PRKX: variants seen among roughly 807,000 people sequenced by gnomAD.
PRKX encodes protein kinase cAMP-dependent X-linked catalytic subunit, also known as cAMP-dependent protein kinase catalytic subunit PRKX.
A neutral mutation model predicts 22.0 loss-of-function variants in PRKX; 12 were observed. The observed-to-expected ratio is 0.54, with a 90% CI of 0.35 to 0.88. The LOEUF is 0.88. Among genes scored for constraint, PRKX ranks in the 40% least tolerant of loss-of-function variants. PRKX has a pLI of 0.01. For synonymous variants in PRKX, 134 were observed against 137.7 expected, an observed-to-expected ratio of 0.97 and a Z score of 0.19; for missense variants, 217 against 308.0, an observed-to-expected ratio of 0.70 and a Z score of 2.21.
chrX:3,634,580 C>T (rs1023118040), intron 4 of PRKX, among the ~76,000 whole-genome samples: 14 of 111,705 alleles, frequency 1.3e-4, no homozygotes, highest in African/African-American at 4.5e-4. Context: ...CAACGTGCCA[C>T]GCAGCACAGC....
chrX:3,630,172 A>T (rs1402686772), intron 4 of PRKX, among the ~76,000 whole-genome samples: 1 of 112,520 alleles, frequency 8.9e-6, no homozygotes, highest in Admixed American at 9.5e-5. Context: ...AACTGCAAAG[A>T]CCAAGATAAA....
intron 1 of PRKX, among the ~76,000 whole-genome samples, chrX:3,710,981 G>C (rs1928777459): frequency 8.9e-6 from 1 of 111,756 alleles, no homozygotes; most frequent in Non-Finnish European, 1.9e-5. Context: ...TTGTGGCTTA[G>C]AGACACAATC....
chrX:3,619,093 A>G (rs1926501260), intron 6 of PRKX, among the ~76,000 whole-genome samples: 1 of 112,628 alleles, frequency 8.9e-6, no homozygotes, highest in South Asian at 3.7e-4. Flanking sequence ...GCCTGTGAAT[A>G]TCACTTTATT....
chrX:3,639,969 C>T (rs193000093), intron 4 of PRKX, among the ~76,000 whole-genome samples: 120 of 111,542 alleles, frequency 1.1e-3, no homozygotes, highest in African/African-American at 3.8e-3. Context: ...CCAGCAGGAC[C>T]TGGCTTAGAC....
At chrX:3,692,626 CACG>C (rs779370802) in intron 1 of PRKX, among the ~76,000 whole-genome samples, 3 of 106,638 alleles carry the variant, frequency 2.8e-5, no homozygotes, top group African/African-American at 1.0e-4. Flanking sequence ...CTCCCAGGTT[CACG>C]CCATTCTCCT....
chrX:3,698,903 TTA>T (rs1928498223), intron 1 of PRKX, among the ~76,000 whole-genome samples: 1 of 108,023 alleles, frequency 9.3e-6, no homozygotes, highest in Non-Finnish European at 1.9e-5. Context: ...GTTTTCACTT[TTA>T]GAGAGGTGGA....
chrX:3,689,736 G>A (rs771079970), intron 1 of PRKX, among the ~76,000 whole-genome samples: 2 of 111,884 alleles, frequency 1.8e-5, no homozygotes, highest in East Asian at 2.8e-4. Flanking sequence ...CCAACACTTT[G>A]GGAGGCCAAG....
chrX:3,640,141 C>A (rs745415832), intron 4 of PRKX, among the ~76,000 whole-genome samples: 1 of 109,436 alleles, frequency 9.1e-6, no homozygotes, highest in African/African-American at 3.3e-5. Flanking sequence ...TCAGAGGATA[C>A]GCTGGTGTCT....
chrX:3,692,807 G>A (rs571203474), intron 1 of PRKX, among the ~76,000 whole-genome samples: 64 of 111,392 alleles, frequency 5.7e-4, no homozygotes, highest in South Asian at 7.7e-4. Flanking sequence ...GATTACAGGC[G>A]TGAGCCACGG....
intron 1 of PRKX, among the ~76,000 whole-genome samples, chrX:3,682,501 G>A (rs1398815125): frequency 9.0e-6 from 1 of 110,546 alleles, no homozygotes; most frequent in Non-Finnish European, 1.9e-5. Flanking sequence ...AGACCAGCCT[G>A]GGCAACACAG....
rs771756468 is a variant in PRKX, at chrX:3,605,615, T to A, written c.*3354A>T. ...TAGTTCCACTGGTGATTTTTTTTAA[T>A]GGACAGTGATTTCAAATGATTTGGT... is the stretch of plus-strand genomic sequence containing the variant. On this transcript the variant is annotated 3_prime_UTR_variant, in exon 9 of 9. Transcript: ENST00000262848. 3.8e-5 allele frequency: 4 copies of A among 105,601 alleles called. No individual in the cohort carries two copies. Among genetic ancestry groups the A allele is most frequent in the Non-Finnish European group, 7.9e-5 (4 of 50,656 alleles). The allele number at this position is 105,601 out of a possible 1,213,427, so 8.7% of individuals were successfully genotyped here.
At position 3,618,497 on chromosome X, in the gene PRKX, T is replaced by C. The variant is rs769854121; in HGVS notation, c.874-2605A>G. 2.7e-5 allele frequency among the ~76,000 whole-genome samples: 3 copies of C among 111,017 alleles called. No homozygotes were observed. The East Asian group carries it at 8.5e-4, about 32-fold the overall frequency. On this transcript the variant is annotated intron_variant, in intron 6 of 8. Transcript: ENST00000262848. ...AGATCTTAAGTGTTCTCACCACAAA[T>C]AAATGGTAATTATGTGAGGTAAGGC...
At chrX:3,696,938 T>A (rs1408381112) in intron 1 of PRKX, among the ~76,000 whole-genome samples, 1 of 112,206 alleles carries the variant, frequency 8.9e-6, no homozygotes, top group Non-Finnish European at 1.9e-5. Flanking sequence ...GAGAATCACT[T>A]GAACCCGGGA....
At chrX:3,616,993 CACAT>C (rs1452117929) in intron 6 of PRKX, among the ~76,000 whole-genome samples, 3 of 111,018 alleles carry the variant, frequency 2.7e-5, no homozygotes, top group East Asian at 5.6e-4. Context: ...TATACACACA[CACAT>C]ACATATATAC....
At chrX:3,610,796 G>A (rs1156690039) in intron 8 of PRKX, among the ~76,000 whole-genome samples, 2 of 111,172 alleles carry the variant, frequency 1.8e-5, no homozygotes, top group African/African-American at 6.5e-5. Flanking sequence ...TTATCAACTA[G>A]GGGTCCTTCA....
At position 3,605,475 on chromosome X, in the gene PRKX, T is replaced by C. The variant is rs1237302305; in HGVS notation, c.*3494A>G. On this transcript the variant is annotated 3_prime_UTR_variant, in exon 9 of 9. Coordinates refer to ENST00000262848, the MANE Select transcript of PRKX (RefSeq NM_005044.5). ...GTGCACCTGGCTACAGAGTGGAGCCTTGGGGTCTTTAACAGTATTAAGCCA... is the reference window on the plus strand; with the variant it reads ...GTGCACCTGGCTACAGAGTGGAGCCCTGGGGTCTTTAACAGTATTAAGCCA... 7.1e-5 allele frequency: 8 copies of C among 112,653 alleles called. No individual in the cohort carries two copies. The highest frequency in any genetic ancestry group is 1.1e-4 in the Non-Finnish European group (6 of 53,401). 9.3% of individuals were successfully genotyped at this position (112,653 alleles called of 1,213,427 possible).
At chrX:3,701,511 A>C (rs1928572176) in intron 1 of PRKX, among the ~76,000 whole-genome samples, 1 of 112,481 alleles carries the variant, frequency 8.9e-6, no homozygotes, top group South Asian at 3.6e-4. Context: ...AATCTCATCC[A>C]AGCTGGATTT....
intron 5 of PRKX, 39 bp from the exon 6 acceptor site, chrX:3,621,355 A>T: frequency 9.2e-7 from 1 of 1,085,804 alleles, no homozygotes; most frequent in Admixed American, 2.2e-5. Context: ...AAAAGTACAC[A>T]GATTATATAT....
rs1926660407 is a variant in PRKX at position 3,626,434 on chromosome X, A to G, written c.800T>C (p.Leu267Ser). 8.3e-7 allele frequency: 1 copy of G among 1,206,717 alleles called. No individual in the cohort carries two copies. Among genetic ancestry groups the G allele is most frequent in the Non-Finnish European group, 1.1e-6 (1 of 892,027 alleles). The change falls in exon 5 of 9, where the codon TTG (leucine) becomes TCG (serine). Residue 267 changes from leucine to serine, a missense_variant. Transcript: ENST00000262848. ...GTTTACTTACTTTACATGGAAATCC[A>G]AATGTCTGGGGAAATCTATTTTGCC... ...LAGKIDFPRH[L>S]DFHVKDLIKK...
Sources: allele counts gnomAD v4.1 joint callset (sites outside exome capture counted in the v4.1 genomes callset), GRCh38; gene constraint gnomAD v4.1.1; transcripts MANE v1.5; gene names NCBI Gene and HGNC (gene_info 2026-07-23, HGNC 2026-07-21).